Variants in ALOX5 observed in about 807,000 individuals in gnomAD.
ALOX5 encodes the protein arachidonate 5-lipoxygenase, also known as polyunsaturated fatty acid 5-lipoxygenase.
Under a neutral mutation model 87.9 loss-of-function variants are expected in ALOX5, and 64 were observed. That is an observed-to-expected ratio of 0.73 (90% CI 0.60 to 0.90). The LOEUF is 0.90. Among genes scored for constraint, ALOX5 ranks in the 40% least tolerant of loss-of-function variants. The pLI is 0.00. For missense variants in ALOX5, 822 were observed against 907.5 expected (o/e 0.91, Z 1.21); for synonymous variants, 388 against 355.1 (o/e 1.09, Z -1.04).
At chr10:45,379,589 C>G (rs1024091047) in intron 1 of ALOX5, among the ~76,000 whole-genome samples, 1 of 152,222 alleles carries the variant, frequency 6.6e-6, no homozygotes, top group African/African-American at 2.4e-5. Flanking sequence ...GGCCGTGACG[C>G]AGGGGCCCAT....
intron 2 of ALOX5, among the ~76,000 whole-genome samples, chr10:45,384,950 C>T (rs1254084038): frequency 6.6e-6 from 1 of 152,118 alleles, no homozygotes; most frequent in African/African-American, 2.4e-5. Context: ...TCAAGCGATT[C>T]TCCTGCCTCA....
chr10:45,443,988 CG>C, intron 12 of ALOX5, 127 bp from the exon 13 acceptor site: 1 of 1,436,432 alleles, frequency 7.0e-7, no homozygotes, highest in Non-Finnish European at 9.3e-7. Context: ...GCGCTGGCCG[CG>C]GGGAAAGAGG....
intron 4 of ALOX5, among the ~76,000 whole-genome samples, chr10:45,423,507 T>G (rs1002000388): frequency 6.6e-6 from 1 of 152,216 alleles, no homozygotes; most frequent in African/African-American, 2.4e-5. Context: ...TCTCACTCCT[T>G]AGTACCTGCA....
chr10:45,422,414 C>T (rs1198995988), intron 4 of ALOX5, among the ~76,000 whole-genome samples: 1 of 152,172 alleles, frequency 6.6e-6, no homozygotes, highest in African/African-American at 2.4e-5. Context: ...CCAGGCAGAG[C>T]ACTGGGTCCT....
intron 4 of ALOX5, among the ~76,000 whole-genome samples, chr10:45,420,533 T>C (rs918876705): frequency 2.0e-5 from 3 of 152,254 alleles, no homozygotes; most frequent in African/African-American, 7.2e-5. Context: ...TCTGGATGGC[T>C]ACACTCCCCG....
At chr10:45,421,610 C>G (rs2132795498) in intron 4 of ALOX5, among the ~76,000 whole-genome samples, 1 of 152,336 alleles carries the variant, frequency 6.6e-6, no homozygotes, top group African/African-American at 2.4e-5. Context: ...AGGAAGGAGG[C>G]AGCAAGGCTG....
chr10:45,391,898 AGAAGTGAGGAGCCCCTCCGCCCGG>A (rs1840285677), intron 2 of ALOX5, among the ~76,000 whole-genome samples: 2 of 139,548 alleles, frequency 1.4e-5, no homozygotes, highest in Non-Finnish European at 1.5e-5. Flanking sequence ...GCCCCTTCTG[AGAAGTGAGGAGCCCCTCCGCCCGG>A]CAGCCGCCCC....
intron 7 of ALOX5, among the ~76,000 whole-genome samples, chr10:45,434,767 CAA>C (rs1316553100): frequency 3.3e-5 from 5 of 152,238 alleles, no homozygotes; most frequent in South Asian, 2.1e-4. Context: ...GTGAGCAAAA[CAA>C]AGAGACAGAT....
intron 3 of ALOX5, among the ~76,000 whole-genome samples, chr10:45,401,406 A>G (rs1840695231): frequency 6.6e-6 from 1 of 152,060 alleles, no homozygotes; most frequent in South Asian, 2.1e-4. Flanking sequence ...AAAAATACCT[A>G]TTTTCTGTAT....
chr10:45,419,238 G>A (rs1248133795), intron 4 of ALOX5, among the ~76,000 whole-genome samples: 1 of 152,256 alleles, frequency 6.6e-6, no homozygotes, highest in Non-Finnish European at 1.5e-5. Context: ...AGGGAGGCCG[G>A]GCGAGCGCAG....
intron 2 of ALOX5, among the ~76,000 whole-genome samples, chr10:45,393,785 A>G (rs902367269): frequency 6.6e-6 from 1 of 152,244 alleles, no homozygotes; most frequent in African/African-American, 2.4e-5. Context: ...ATGTGCAAGA[A>G]TCACAAGCAT....
intron 3 of ALOX5, among the ~76,000 whole-genome samples, chr10:45,401,045 T>C (rs1238564801): frequency 1.3e-5 from 2 of 152,248 alleles, no homozygotes; most frequent in African/African-American, 4.8e-5. Context: ...ATCCAGCCTC[T>C]ACAAGTGTTT....
At position 45,443,813 on chromosome 10, in the gene ALOX5, G is replaced by T. The variant is rs779127040; in HGVS notation, c.1659G>T (p.Ala553=). The T allele has an allele frequency of 1.9e-6, 3 of 1,607,434 alleles. No individual in the cohort carries two copies. The highest frequency in any genetic ancestry group is 2.5e-6 in the Non-Finnish European group (3 of 1,177,456). Residue 553 remains alanine, a synonymous_variant, in exon 12 of 14, where the codon GCG becomes GCT. Transcript: ENST00000374391. ...TCACCGCCTCCGCCCAGCACGCCGC[G>T]GTCAACTTCGGCCAGGTAGGCAGGG... ...VIFTASAQHA[A]VNFGQYDWCS... is the part of the protein sequence containing the mutation.
chr10:45,374,218 A>C lies in ALOX5; in HGVS notation c.-62A>C. 1 of 1,406,692 alleles carries C rather than the reference A, an allele frequency of 7.1e-7. No homozygotes were observed. The highest frequency in any genetic ancestry group is 9.2e-7 in the Non-Finnish European group (1 of 1,082,400). The allele number at this position is 1,406,692 out of a possible 1,614,324, so 87.1% of individuals were successfully genotyped here. ...TGGTGGGAGGAGGCTGCGGCGCTAG[A>C]TGCGGACACCTGGACCGCCGCGCCG... On this transcript the variant is annotated 5_prime_UTR_variant, in exon 1 of 14. It removes an upstream start codon present in the reference 5' UTR. Coordinates refer to ENST00000374391, the MANE Select transcript of ALOX5 (RefSeq NM_000698.5).
rs377286166 is a variant in ALOX5 at position 45,374,267 on chromosome 10, C to G, written c.-13C>G. 1.4e-6 allele frequency: 2 copies of G among 1,467,668 alleles called. No individual in the cohort carries two copies. Among genetic ancestry groups the G allele is most frequent in the Non-Finnish European group, 9.0e-7 (1 of 1,108,766 alleles). The allele number at this position is 1,467,668 out of a possible 1,614,324, so 90.9% of individuals were successfully genotyped here. On this transcript the variant is annotated 5_prime_UTR_variant, in exon 1 of 14. Transcript: ENST00000374391. ...CGAGGCTCCCGGCGCTCGCTGCTCC[C>G]GCGGCCCGCGCCATGCCCTCCTACA...
intron 2 of ALOX5, among the ~76,000 whole-genome samples, chr10:45,391,144 C>T (rs1011032378): frequency 6.7e-6 from 1 of 149,584 alleles, no homozygotes; most frequent in Non-Finnish European, 1.5e-5. Flanking sequence ...TGATGCCGAG[C>T]CAAAGCTGGA....
rs189465041 is a variant in ALOX5 at position 45,442,870 on chromosome 10, T to C, written c.1273-168T>C. 1.3e-4 allele frequency: 87 copies of C among 688,438 alleles called. 1 individual carries two copies. In the Admixed American group the frequency reaches 1.7e-3, roughly 13 times the overall value. 42.6% of individuals were successfully genotyped at this position (688,438 alleles called of 1,614,324 possible). A position where few individuals can be genotyped will look rare whatever the true frequency, so the allele number is the denominator to read the frequency against. On this transcript the variant is annotated intron_variant, in intron 9 of 13. Coordinates refer to ENST00000374391, the MANE Select transcript of ALOX5 (RefSeq NM_000698.5). Reference sequence around the variant, plus strand: ...CCTCCCTAGCACCTCTCCACCCGGCTGCCCTTGTCATTCTCTGCGTTAAAC... The same window carrying C: ...CCTCCCTAGCACCTCTCCACCCGGCCGCCCTTGTCATTCTCTGCGTTAAAC...
intron 4 of ALOX5, among the ~76,000 whole-genome samples, chr10:45,419,293 G>A (rs1009795545): frequency 5.7e-5 from 8 of 140,284 alleles, no homozygotes; most frequent in African/African-American, 2.3e-4. Flanking sequence ...GAGAGAAAGC[G>A]GGGCACCCGG....
intron 1 of ALOX5, among the ~76,000 whole-genome samples, chr10:45,381,555 A>G (rs918410483): frequency 6.6e-6 from 1 of 152,124 alleles, no homozygotes; most frequent in African/African-American, 2.4e-5. Context: ...GTGGGGATCC[A>G]CTGTCAGCAA....
Sources: gnomAD v4.1 joint callset for allele counts (sites outside exome capture counted in the v4.1 genomes callset) on GRCh38, gnomAD v4.1.1 for gene constraint, MANE v1.5 for transcripts, NCBI Gene and HGNC (gene_info 2026-07-23, HGNC 2026-07-21) for gene names.